Variants in DPP10 observed in about 807,000 individuals in gnomAD.
DPP10 encodes the protein dipeptidyl peptidase like 10.
In DPP10, 33 loss-of-function variants were observed where a neutral mutation model predicts 120.9. The observed-to-expected ratio is 0.27, with a 90% CI of 0.21 to 0.37. The LOEUF is 0.37. Among genes scored for constraint, DPP10 ranks in the 10% least tolerant of loss-of-function variants. DPP10 has a pLI of 1.00. For missense variants in DPP10, 816 were observed against 942.8 expected (o/e 0.87, Z 1.76); for synonymous variants, 337 against 326.1 (o/e 1.03, Z -0.36).
At chr2:115,084,851 C>A (rs991672627) in intron 1 of DPP10, among the ~76,000 whole-genome samples, 1 of 152,136 alleles carries the variant, frequency 6.6e-6, no homozygotes, top group African/African-American at 2.4e-5. Flanking sequence ...TTCAAGCATA[C>A]CTAAAAGCAC....
intron 1 of DPP10, among the ~76,000 whole-genome samples, chr2:114,823,195 G>A (rs1168976967): frequency 6.6e-6 from 1 of 152,198 alleles, no homozygotes; most frequent in Non-Finnish European, 1.5e-5. Flanking sequence ...GGCTGGGGAG[G>A]CCTCAGGAAA....
chr2:115,206,608 A>T (rs1394427005), intron 1 of DPP10, among the ~76,000 whole-genome samples: 1 of 152,218 alleles, frequency 6.6e-6, no homozygotes, highest in African/African-American at 2.4e-5. Flanking sequence ...GATTTTTATT[A>T]AACCAAATAA....
At chr2:114,609,401 G>T (rs1693096991) in intron 1 of DPP10, among the ~76,000 whole-genome samples, 2 of 152,060 alleles carry the variant, frequency 1.3e-5, no homozygotes, top group Admixed American at 1.3e-4. Flanking sequence ...AGATTCCCAG[G>T]AGCCACAATA....
In DPP10 at chr2:115,343,842, C is replaced by G. The variant is rs780334319; in HGVS notation, c.201C>G (p.Thr67=). The G allele has an allele frequency of 1.2e-6, 2 of 1,610,708 alleles. No homozygotes were observed. The highest frequency in any genetic ancestry group is 1.7e-6 in the Non-Finnish European group (2 of 1,178,476). ...ATGAACTCACAAATTCGTCAGAAAC[C>G]AGATTGTCTTTGGAAGACCTCTTTA... is the stretch of plus-strand genomic sequence containing the variant. ...TPDELTNSSE[T]RLSLEDLFRK... The change falls in exon 3 of 26, where the codon ACC becomes ACG. Residue 67 remains threonine, a synonymous_variant. Transcript: ENST00000410059.
intron 5 of DPP10, among the ~76,000 whole-genome samples, chr2:115,582,413 C>T (rs541893060): frequency 3.3e-5 from 5 of 152,322 alleles, no homozygotes; most frequent in African/African-American, 1.2e-4. Context: ...CAGGAAGCTG[C>T]TCATCACCAG....
At position 115,762,581 on chromosome 2, in the gene DPP10, A is replaced by G. The variant is rs776781775; in HGVS notation, c.1084A>G (p.Met362Val). The change falls in exon 12 of 26, where the codon ATG (methionine) becomes GTG (valine). Residue 362 changes from methionine (M) to valine (V), a missense_variant. Around this residue, in one of 3 missense-constraint regions of DPP10, gnomAD observed 592 missense variants for 649.0 expected, o/e 0.91. Coordinates refer to ENST00000410059, the MANE Select transcript of DPP10 (RefSeq NM_020868.6). Reference protein sequence around the residue: ...TTGACSKKYEMTSDTWLSQQN... With the variant: ...TTGACSKKYEVTSDTWLSQQN... Reference sequence around the variant, plus strand: ...AATTGTTTTGTTTCAGAAATATGAGATGACATCAGATACGTGGCTCTCTCA... The same window carrying G: ...AATTGTTTTGTTTCAGAAATATGAGGTGACATCAGATACGTGGCTCTCTCA... 5.6e-6 allele frequency: 9 copies of G among 1,613,618 alleles called. 1 individual carries two copies. The South Asian group carries it at 9.9e-5, about 18-fold the overall frequency.
intron 2 of DPP10, among the ~76,000 whole-genome samples, chr2:115,336,440 T>A (rs926059319): frequency 3.3e-5 from 5 of 151,996 alleles, no homozygotes; most frequent in African/African-American, 9.7e-5. Context: ...AACCATATAT[T>A]TATTTGGATT....
intron 1 of DPP10, among the ~76,000 whole-genome samples, chr2:114,611,084 G>A (rs1239533916): frequency 6.6e-6 from 1 of 152,172 alleles, no homozygotes; most frequent in South Asian, 2.1e-4. Flanking sequence ...TATACTTAAT[G>A]GGGAGGGATG....
intron 1 of DPP10, among the ~76,000 whole-genome samples, chr2:114,822,093 C>T (rs989815599): frequency 7.2e-5 from 11 of 152,216 alleles, no homozygotes; most frequent in African/African-American, 2.7e-4. Flanking sequence ...CACCCATTTT[C>T]CTTCCACACT....
intron 1 of DPP10, among the ~76,000 whole-genome samples, chr2:115,041,512 T>C (rs544886714): frequency 1.3e-5 from 2 of 152,186 alleles, no homozygotes; most frequent in African/African-American, 2.4e-5. Flanking sequence ...TCCAGCTTAG[T>C]GATTTTTTTT....
intron 1 of DPP10, among the ~76,000 whole-genome samples, chr2:114,618,579 T>A (rs1351461494): frequency 6.6e-6 from 1 of 152,088 alleles, no homozygotes; most frequent in Non-Finnish European, 1.5e-5. Context: ...GCGGTGCTTT[T>A]GACTAAAAGT....
intron 1 of DPP10, among the ~76,000 whole-genome samples, chr2:114,488,877 G>T (rs1293594702): frequency 2.0e-5 from 3 of 152,268 alleles, no homozygotes; most frequent in South Asian, 4.1e-4. Flanking sequence ...AGATGGTAAA[G>T]CTTGATAGAA....
intron 1 of DPP10, among the ~76,000 whole-genome samples, chr2:114,697,585 C>A (rs535755502): frequency 2.6e-5 from 4 of 151,610 alleles, no homozygotes; most frequent in African/African-American, 9.7e-5. Flanking sequence ...CCCGTCTCTA[C>A]CAAAAATATA....
intron 1 of DPP10, among the ~76,000 whole-genome samples, chr2:114,662,676 C>T (rs914652250): frequency 6.6e-6 from 1 of 152,106 alleles, no homozygotes; most frequent in African/African-American, 2.4e-5. Flanking sequence ...AGAACGTGAC[C>T]ACAACGCGCA....
At chr2:115,229,644 C>T (rs899368492) in intron 1 of DPP10, among the ~76,000 whole-genome samples, 1 of 151,690 alleles carries the variant, frequency 6.6e-6, no homozygotes, top group African/African-American at 2.4e-5. Context: ...GGACCTTTGT[C>T]GAAAATGAAT....
chr2:115,298,179 G>C (rs2060973002), intron 1 of DPP10, among the ~76,000 whole-genome samples: 1 of 152,016 alleles, frequency 6.6e-6, no homozygotes, highest in Non-Finnish European at 1.5e-5. Flanking sequence ...AATAGTCTCT[G>C]ACCTGGTAGA....
intron 3 of DPP10, among the ~76,000 whole-genome samples, chr2:115,423,557 A>G (rs899104804): frequency 5.9e-5 from 9 of 152,146 alleles, no homozygotes; most frequent in Non-Finnish European, 1.2e-4. Flanking sequence ...GAACTAACAA[A>G]TGACAAAAAG....
intron 1 of DPP10, among the ~76,000 whole-genome samples, chr2:114,697,054 G>T (rs941776206): frequency 6.6e-5 from 10 of 152,010 alleles, no homozygotes; most frequent in African/African-American, 2.2e-4. Context: ...AATGCAAAAG[G>T]TACTCAGTAT....
intron 5 of DPP10, among the ~76,000 whole-genome samples, chr2:115,531,445 T>C (rs897366037): frequency 6.6e-6 from 1 of 152,066 alleles, no homozygotes; most frequent in African/African-American, 2.4e-5. Flanking sequence ...AAAATATCAT[T>C]TAAGAGCAAT....
Sources: allele counts gnomAD v4.1 joint callset (sites outside exome capture counted in the v4.1 genomes callset), GRCh38; gene constraint gnomAD v4.1.1; regional missense constraint gnomAD v4.1.1; transcripts MANE v1.5; gene names NCBI Gene and HGNC (gene_info 2026-07-23, HGNC 2026-07-21).